The following PDE4D variants were observed in gnomAD, a reference collection of about 807,000 sequenced individuals.
PDE4D encodes 3',5'-cyclic-AMP phosphodiesterase 4D.
In PDE4D, 24 loss-of-function variants were observed where a neutral mutation model predicts 87.4. The ratio of observed to expected loss-of-function variants is 0.27; its 90% CI spans 0.20 to 0.39. The LOEUF (loss-of-function observed/expected upper bound fraction) is 0.39, where lower values mean the gene tolerates loss of function less well. Among genes scored for constraint, PDE4D ranks in the 10% least tolerant of loss-of-function variants. The pLI, the probability that PDE4D is intolerant of heterozygous loss-of-function variation, is 1.00. For synonymous variants in PDE4D, 384 were observed against 383.2 expected, an observed-to-expected ratio of 1.00 and a Z score of -0.02; for missense variants, 714 against 1,041.0, an observed-to-expected ratio of 0.69 and a Z score of 4.32.
rs1581239821 is a variant in PDE4D, at chr5:59,183,503, T to C, written c.758+1686A>G. On this transcript the variant is annotated intron_variant, in intron 4 of 14. Coordinates refer to ENST00000340635, the MANE Select transcript of PDE4D (RefSeq NM_001104631.2). ...ATGCTGGTACCCAGGTGACCACATGTAAAGGAAGCATAAAGGGAGTTTCTT... is the reference window on the plus strand; with the variant it reads ...ATGCTGGTACCCAGGTGACCACATGCAAAGGAAGCATAAAGGGAGTTTCTT... Among the ~76,000 whole-genome samples, 6 of 152,290 alleles carry C rather than the reference T, an allele frequency of 3.9e-5. 1 individual carries two copies. The South Asian group carries it at 1.2e-3, about 32-fold the overall frequency.
chr5:58,987,495 A>G (rs545317765), intron 11 of PDE4D, among the ~76,000 whole-genome samples: 2 of 152,302 alleles, frequency 1.3e-5, no homozygotes, highest in East Asian at 3.9e-4. Flanking sequence ...CTCTGAATTA[A>G]ATCTCTCAAA....
chr5:60,137,582 A>G (rs1235514157), intron 2 of PDE4D, among the ~76,000 whole-genome samples: 3 of 152,066 alleles, frequency 2.0e-5, no homozygotes, highest in Non-Finnish European at 4.4e-5. Flanking sequence ...GGCCACATGA[A>G]TGTCTTCTTT....
chr5:59,790,128 A>T (rs1765622501), intron 1 of PDE4D, among the ~76,000 whole-genome samples: 1 of 152,164 alleles, frequency 6.6e-6, no homozygotes, highest in Non-Finnish European at 1.5e-5. Context: ...AGGAAACAGG[A>T]GCTTACAGGG....
intron 1 of PDE4D, among the ~76,000 whole-genome samples, chr5:59,847,331 A>G (rs909373199): frequency 6.6e-6 from 1 of 152,030 alleles, no homozygotes; most frequent in Non-Finnish European, 1.5e-5. Flanking sequence ...GGTTGGATCT[A>G]CAATATTTTA....
chr5:59,902,582 T>G (rs1342428241), intron 3 of PDE4D, among the ~76,000 whole-genome samples: 1 of 152,124 alleles, frequency 6.6e-6, no homozygotes, highest in Admixed American at 6.6e-5. Context: ...ATACAACATA[T>G]TGATAATATT....
intron 3 of PDE4D, among the ~76,000 whole-genome samples, chr5:59,978,144 C>T (rs572975673): frequency 6.6e-6 from 1 of 152,226 alleles, no homozygotes; most frequent in African/African-American, 2.4e-5. Context: ...GCCCATGTTC[C>T]AAGGAGTCAT....
At chr5:59,771,462 A>AAAGAAAGAGAGAG (rs1561636950) in intron 1 of PDE4D, among the ~76,000 whole-genome samples, 12 of 78,728 alleles carry the variant, frequency 1.5e-4, no homozygotes, top group African/African-American at 6.9e-4. Flanking sequence ...AGAAAGAAAG[A>AAAGAAAGAGAGAG]AAGAAAGAAA....
At chr5:60,208,398 G>T (rs886096623) in intron 1 of PDE4D, among the ~76,000 whole-genome samples, 1 of 152,174 alleles carries the variant, frequency 6.6e-6, no homozygotes, top group Non-Finnish European at 1.5e-5. Context: ...GGGAAGAGAG[G>T]AGTAGAGAAG....
chr5:60,261,375 C>T (rs946860694), intron 1 of PDE4D, among the ~76,000 whole-genome samples: 15 of 152,112 alleles, frequency 9.9e-5, no homozygotes, highest in African/African-American at 2.9e-4. Flanking sequence ...CTCCTTCTCC[C>T]TTATATCTTC....
rs186393588 is a variant in PDE4D at position 59,412,520 on chromosome 5, C to T, written c.456-196552G>A. ...GGGTCTGTAGCTCATGGCACGGCTC[C>T]CAACAATCTGGCCCATGGCTGTTCT... On this transcript the variant is annotated intron_variant, in intron 1 of 14. Coordinates refer to ENST00000340635, the MANE Select transcript of PDE4D (RefSeq NM_001104631.2). Among the ~76,000 whole-genome samples, 4 of 152,252 alleles carry T rather than the reference C, an allele frequency of 2.6e-5. No individual in the cohort carries two copies. The East Asian group carries it at 7.7e-4, about 29-fold the overall frequency.
At position 59,396,796 on chromosome 5, in the gene PDE4D, TAA is replaced by T. The variant is rs1789511697; in HGVS notation, c.456-180830_456-180829del. ...AAAAGACACAGACTGGCAAATTGGA[TAA>T]AGAGTCAACACCCATCAGTGTGCTG... On this transcript the variant is annotated intron_variant, in intron 1 of 14. Transcript: ENST00000340635. 1.7e-5 allele frequency among the ~76,000 whole-genome samples: 2 copies of T among 117,844 alleles called. 1 individual carries two copies. The highest frequency in any genetic ancestry group is 1.7e-4 in the Admixed American group (2 of 12,098). 77.3% of individuals were successfully genotyped at this position (117,844 alleles called of 152,430 possible).
chr5:59,120,985 A>G (rs1465841641), intron 5 of PDE4D, among the ~76,000 whole-genome samples: 5 of 152,220 alleles, frequency 3.3e-5, no homozygotes, highest in Non-Finnish European at 1.5e-5. Context: ...TCTTCAATAA[A>G]TGATGCTGGA....
At chr5:60,304,366 CCGGGCG>C (rs1754240094) in intron 1 of PDE4D, among the ~76,000 whole-genome samples, 1 of 151,950 alleles carries the variant, frequency 6.6e-6, no homozygotes, top group African/African-American at 2.4e-5. Flanking sequence ...GAGAGAAGGG[CCGGGCG>C]CGGTGGCTCA....
chr5:59,257,178 A>C (rs1365016504), intron 1 of PDE4D, among the ~76,000 whole-genome samples: 1 of 152,044 alleles, frequency 6.6e-6, no homozygotes, highest in African/African-American at 2.4e-5. Flanking sequence ...TTTGTGACCA[A>C]AAATATACTT....
At chr5:59,605,742 G>A (rs957217901) in intron 1 of PDE4D, among the ~76,000 whole-genome samples, 5 of 152,168 alleles carry the variant, frequency 3.3e-5, no homozygotes, top group South Asian at 2.1e-4. Flanking sequence ...TCAGCAAAGC[G>A]TACCTCTGGG....
intron 2 of PDE4D, among the ~76,000 whole-genome samples, chr5:59,988,887 TA>T (rs1302854168): frequency 1.3e-5 from 2 of 152,100 alleles, no homozygotes; most frequent in East Asian, 3.9e-4. Flanking sequence ...AACTAAAATC[TA>T]AATTTATTTT....
intron 1 of PDE4D, among the ~76,000 whole-genome samples, chr5:60,200,999 T>C (rs1266245345): frequency 6.6e-6 from 1 of 152,016 alleles, no homozygotes; most frequent in African/African-American, 2.4e-5. Flanking sequence ...ATGTCTTGCT[T>C]AGTGATCAAA....
intron 1 of PDE4D, among the ~76,000 whole-genome samples, chr5:59,625,022 G>A (rs1027175153): frequency 3.9e-5 from 6 of 152,218 alleles, no homozygotes; most frequent in South Asian, 2.1e-4. Context: ...GTTACTCCAC[G>A]GTTATATTAC....
chr5:59,252,835 T>C (rs1405576571), intron 1 of PDE4D, among the ~76,000 whole-genome samples: 2 of 152,126 alleles, frequency 1.3e-5, no homozygotes, highest in Non-Finnish European at 2.9e-5. Context: ...CCAGCCATCA[T>C]CTAGATTTTA....
Sources: allele counts gnomAD v4.1 joint callset (sites outside exome capture counted in the v4.1 genomes callset), GRCh38; gene constraint gnomAD v4.1.1; transcripts MANE v1.5; gene names NCBI Gene and HGNC (gene_info 2026-07-23, HGNC 2026-07-21).